Variants in CHLSN observed in about 807,000 individuals in gnomAD.
CHLSN encodes protein cholesin.
At chr7:1,099,956 T>G in the CHLSN span, among the ~76,000 whole-genome samples, 1 of 152,008 alleles carries the variant, frequency 6.6e-6, no homozygotes, top group African/African-American at 2.4e-5. Context: ...TGAGGGTGGG[T>G]TCGGAGTTCC....
At chr7:1,074,225 C>T in the CHLSN span, among the ~76,000 whole-genome samples, 6 of 62,138 alleles carry the variant, frequency 9.7e-5, no homozygotes, top group Admixed American at 1.6e-4. Context: ...CCCCGCACCC[C>T]GCCGCCGTCA....
At chr7:1,069,548 G>T in the CHLSN span, among the ~76,000 whole-genome samples, 1 of 139,332 alleles carries the variant, frequency 7.2e-6, no homozygotes, top group Non-Finnish European at 1.5e-5. Context: ...ACCGGGTTTC[G>T]CTGTGTTGGC....
At chr7:1,048,085 C>A in the CHLSN span, among the ~76,000 whole-genome samples, 21 of 152,182 alleles carry the variant, frequency 1.4e-4, no homozygotes, top group African/African-American at 5.1e-4. Context: ...GGGGTGGGTT[C>A]CCGGGGGTAC....
At chr7:984,851 T>TCTCGCTGCCCTGTCAGC in the CHLSN span, 21 of 1,456,376 alleles carry the variant, frequency 1.4e-5, no homozygotes, top group African/African-American at 2.8e-5. Flanking sequence ...GCCCAGCCAG[T>TCTCGCTGCCCTGTCAGC]CTCGCTGCCC....
chr7:994,440 C>A, the CHLSN span, among the ~76,000 whole-genome samples: 1 of 151,968 alleles, frequency 6.6e-6, no homozygotes, highest in Admixed American at 6.6e-5. Flanking sequence ...GGATTACAGG[C>A]GTGAGCCACT....
the CHLSN span, among the ~76,000 whole-genome samples, chr7:1,034,935 T>C: frequency 5.9e-5 from 9 of 152,242 alleles, no homozygotes; most frequent in African/African-American, 9.6e-5. Context: ...CTAAGGATAA[T>C]GGCCTCCAGC....
At chr7:984,943 CCT>C in the CHLSN span, 1 of 1,593,120 alleles carries the variant, frequency 6.3e-7, no homozygotes, top group Non-Finnish European at 8.5e-7. Flanking sequence ...ACTGTATCTG[CCT>C]ACAGGCATCT....
At chr7:1,107,291 C>T in the CHLSN span, among the ~76,000 whole-genome samples, 8 of 152,122 alleles carry the variant, frequency 5.3e-5, no homozygotes, top group East Asian at 1.9e-4. Context: ...GCCCATGATG[C>T]GCTCACAGAC....
chr7:986,617 T>A, the CHLSN span: 1 of 1,612,526 alleles, frequency 6.2e-7, no homozygotes. Flanking sequence ...TCCTGCCTCC[T>A]GCCCAGCTGT....
At chr7:1,110,070 G>A in the CHLSN span, among the ~76,000 whole-genome samples, 1 of 152,140 alleles carries the variant, frequency 6.6e-6, no homozygotes, top group Non-Finnish European at 1.5e-5. Flanking sequence ...CGGAGGCTAC[G>A]CAAATCTGCC....
the CHLSN span, chr7:987,256 G>A: frequency 8.6e-6 from 13 of 1,510,010 alleles, no homozygotes; most frequent in South Asian, 3.7e-5. Flanking sequence ...GTGAGACCCC[G>A]GCGCCTGGCG....
the CHLSN span, among the ~76,000 whole-genome samples, chr7:1,041,288 CTG>C: frequency 2.4e-5 from 3 of 127,608 alleles, no homozygotes; most frequent in Non-Finnish European, 3.6e-5. Flanking sequence ...GGGCTCCGCG[CTG>C]CGGGGAAGGG....
the CHLSN span, among the ~76,000 whole-genome samples, chr7:1,016,765 ACAGCGCACAG>A: frequency 6.6e-4 from 51 of 76,950 alleles, 4 homozygotes; most frequent in African/African-American, 1.2e-3. Context: ...ACGCCAGCGC[ACAGCGCACAG>A]CAGCGCACAG....
At chr7:1,117,941 T>C in the CHLSN span, among the ~76,000 whole-genome samples, 1 of 152,160 alleles carries the variant, frequency 6.6e-6, no homozygotes, top group South Asian at 2.1e-4. Flanking sequence ...CCCTAGAAGC[T>C]GGGACCACAG....
chr7:1,008,186 A>G, the CHLSN span, among the ~76,000 whole-genome samples: 1 of 152,162 alleles, frequency 6.6e-6, no homozygotes. Context: ...GGGAGCCTAC[A>G]GTCCATTCCT....
chr7:1,108,658 T>C, the CHLSN span, among the ~76,000 whole-genome samples: 1 of 152,194 alleles, frequency 6.6e-6, no homozygotes, highest in African/African-American at 2.4e-5. Context: ...TAAGGACAAG[T>C]GGCTCTCGGC....
the CHLSN span, among the ~76,000 whole-genome samples, chr7:1,070,913 CACACAGCACGCACAG>C: frequency 0.012 from 1,733 of 144,326 alleles, 77 homozygotes; most frequent in African/African-American, 0.044. Flanking sequence ...TGCACGCACA[CACACAGCACGCACAG>C]ACACGCACAC....
chr7:1,055,269 C>T, the CHLSN span: 1 of 471,090 alleles, frequency 2.1e-6, no homozygotes, highest in African/African-American at 2.0e-5. Context: ...CTGCGGGGAA[C>T]TTACCAGAGG....
the CHLSN span, among the ~76,000 whole-genome samples, chr7:1,114,366 G>C: frequency 6.6e-6 from 1 of 152,250 alleles, no homozygotes; most frequent in Non-Finnish European, 1.5e-5. Context: ...CTAAGCTGCA[G>C]GTTAAAGAGG....
Sources: gnomAD v4.1 joint callset for allele counts (sites outside exome capture counted in the v4.1 genomes callset) on GRCh38, gnomAD v4.1.1 for gene constraint, MANE v1.5 for transcripts, NCBI Gene and HGNC (gene_info 2026-07-23, HGNC 2026-07-21) for gene names.